The following SNAP91 variants were observed in gnomAD, a reference collection of about 807,000 sequenced individuals.
The protein encoded by SNAP91 is synaptosome associated protein 91.
Under a neutral mutation model 100.3 loss-of-function variants are expected in SNAP91, and 27 were observed. The observed-to-expected ratio is 0.27, with a 90% CI of 0.20 to 0.37. The LOEUF is 0.37. Among genes scored for constraint, SNAP91 ranks in the 10% least tolerant of loss-of-function variants. The probability of loss-of-function intolerance (pLI) is 1.00; values close to 1 mark genes in which losing one functional copy is unlikely to be tolerated. For missense variants in SNAP91, 986 were observed against 1,123.7 expected (o/e 0.88, Z 1.75); for synonymous variants, 404 against 398.6 (o/e 1.01, Z -0.16).
chr6:83,669,175 C>T (rs2098739224), intron 2 of SNAP91, among the ~76,000 whole-genome samples: 1 of 151,960 alleles, frequency 6.6e-6, no homozygotes, highest in Non-Finnish European at 1.5e-5. Flanking sequence ...CATCTGTATA[C>T]CTAGAAAGAG....
At chr6:83,644,343 T>C (rs1467150309) in intron 7 of SNAP91, among the ~76,000 whole-genome samples, 2 of 152,140 alleles carry the variant, frequency 1.3e-5, no homozygotes, top group Admixed American at 1.3e-4. Flanking sequence ...AATAGTAGCA[T>C]TGACACAGAA....
chr6:83,690,815 T>C (rs2099121419), intron 2 of SNAP91, among the ~76,000 whole-genome samples: 1 of 152,138 alleles, frequency 6.6e-6, no homozygotes, highest in African/African-American at 2.4e-5. Context: ...AAGAAAGGCA[T>C]ATTTTTAAGG....
intron 26 of SNAP91, among the ~76,000 whole-genome samples, chr6:83,569,500 G>C (rs78605744): frequency 0.027 from 4,125 of 152,256 alleles, 69 homozygotes; most frequent in East Asian, 0.064. Flanking sequence ...GTTAAGTCTT[G>C]ATCTCAGGGT....
In SNAP91 at chr6:83,593,546, G is replaced by T. The variant is rs1307900317; in HGVS notation, c.1628C>A (p.Ala543Asp). 6.4e-7 allele frequency: 1 copy of T among 1,552,248 alleles called. No individual in the cohort carries two copies. Among genetic ancestry groups the T allele is most frequent in the East Asian group, 2.4e-5 (1 of 41,048 alleles). ...AAATTAATAA[A>D]TTTTTTSAAT... is the part of the protein sequence containing the mutation. ...AGCGGAGGTGGTGGTAGTGGTGGTG[G>T]CAGCGGCGGTGGCAGCAGTAGTGGC... is the stretch of plus-strand genomic sequence containing the variant. Residue 543 changes from alanine (A) to aspartate (D), a missense_variant, in exon 18 of 30, where the codon GCC (alanine) becomes GAC (aspartate). Ala to Asp is a moderately radical substitution (Grantham distance 126). Coordinates refer to ENST00000369694, the MANE Select transcript of SNAP91 (RefSeq NM_001242792.2).
In SNAP91 at chr6:83,591,230, T is replaced by A. The variant is rs762162588; in HGVS notation, c.1995A>T (p.Ala665=). 6.2e-7 allele frequency: 1 copy of A among 1,611,208 alleles called. No homozygotes were observed. The highest frequency in any genetic ancestry group is 8.5e-7 in the Non-Finnish European group (1 of 1,177,620). The change falls in exon 22 of 30, where the codon GCA becomes GCT. Residue 665 remains alanine, a synonymous_variant. Transcript: ENST00000369694. ...AATTACCAGCTAGTAGGTCTGCCGA[T>A]GCTGATGAACTAGAAGCAGCCTGAG... is the stretch of plus-strand genomic sequence containing the variant. The part of the protein sequence containing the change: ...PASQAASSSS[A]SADLLAGFGG...
At chr6:83,616,830 G>A in intron 10 of SNAP91, 139 bp downstream of exon 10, 1 of 557,528 alleles carries the variant, frequency 1.8e-6, no homozygotes, top group Admixed American at 3.3e-5. Flanking sequence ...AAGAGTAGGG[G>A]TTCTGAGGGA....
intron 2 of SNAP91, among the ~76,000 whole-genome samples, chr6:83,675,645 G>A (rs2098854499): frequency 1.3e-5 from 2 of 152,040 alleles, no homozygotes; most frequent in South Asian, 2.1e-4. Context: ...GGAGCCAGAG[G>A]AGACCTAGTT....
At chr6:83,708,179 A>C (rs1024276613) in intron 1 of SNAP91, 1 of 461,516 alleles carries the variant, frequency 2.2e-6, no homozygotes, top group African/African-American at 2.1e-5. Context: ...CGTGGGCTCC[A>C]GTCGCAGCAT....
chr6:83,612,024 G>C (rs532512535), intron 11 of SNAP91, among the ~76,000 whole-genome samples: 3 of 151,574 alleles, frequency 2.0e-5, no homozygotes, highest in African/African-American at 7.3e-5. Flanking sequence ...CCAGGCCCAA[G>C]TTAATATCTT....
At chr6:83,654,169 C>T (rs1450879083) in intron 7 of SNAP91, among the ~76,000 whole-genome samples, 1 of 152,118 alleles carries the variant, frequency 6.6e-6, no homozygotes, top group Non-Finnish European at 1.5e-5. Context: ...GAGCATCCAA[C>T]AATTCATTAA....
At chr6:83,574,875 G>C in intron 26 of SNAP91, 135 bp downstream of exon 26, 1 of 576,674 alleles carries the variant, frequency 1.7e-6, no homozygotes, top group Non-Finnish European at 3.0e-6. Context: ...GGGCTGGAGT[G>C]CTACTTGCTT....
At chr6:83,601,487 G>A (rs1190433655) in intron 15 of SNAP91, 49 bp from the exon 16 acceptor site, 1 of 1,612,230 alleles carries the variant, frequency 6.2e-7, no homozygotes, top group Non-Finnish European at 8.5e-7. Context: ...AAAAGCAAAG[G>A]ACAAAAGATA....
chr6:83,698,120 G>A (rs554488563), intron 2 of SNAP91, among the ~76,000 whole-genome samples: 13 of 152,150 alleles, frequency 8.5e-5, no homozygotes, highest in South Asian at 8.3e-4. Flanking sequence ...ATAGTGAATC[G>A]AATGTTTCAA....
At chr6:83,605,050 T>C (rs1222453101) in intron 14 of SNAP91, among the ~76,000 whole-genome samples, 1 of 152,162 alleles carries the variant, frequency 6.6e-6, no homozygotes, top group Non-Finnish European at 1.5e-5. Flanking sequence ...AATTTTTATA[T>C]TAATATTAAA....
intron 2 of SNAP91, among the ~76,000 whole-genome samples, chr6:83,676,836 G>A (rs532334423): frequency 1.3e-5 from 2 of 152,294 alleles, no homozygotes; most frequent in African/African-American, 4.8e-5. Context: ...TAGTTCAGGT[G>A]AGTGGTGTTA....
intron 2 of SNAP91, among the ~76,000 whole-genome samples, chr6:83,685,542 C>A (rs576324913): frequency 6.6e-6 from 1 of 152,242 alleles, no homozygotes; most frequent in African/African-American, 2.4e-5. Context: ...TTCTATGGGG[C>A]AAAACTAGGG....
chr6:83,570,273 T>C (rs1804534945), intron 26 of SNAP91, among the ~76,000 whole-genome samples: 1 of 152,130 alleles, frequency 6.6e-6, no homozygotes, highest in Admixed American at 6.5e-5. Flanking sequence ...TGGAATAAAT[T>C]TCTAAGCTGC....
chr6:83,572,613 C>T (rs1397442031), intron 26 of SNAP91, among the ~76,000 whole-genome samples: 13 of 152,088 alleles, frequency 8.5e-5, no homozygotes, highest in African/African-American at 3.1e-4. Flanking sequence ...TTCTCACCAC[C>T]TTGCCTTCCA....
Position 83,641,128 on chromosome 6 carries a change from T to A in SNAP91, c.733A>T (p.Thr245Ser). 3 of 1,546,606 alleles carry A rather than the reference T, an allele frequency of 1.9e-6. No homozygotes were observed. Among genetic ancestry groups the A allele is most frequent in the Admixed American group, 2.1e-5 (1 of 47,082 alleles). ...EIYKRFLTRM[T>S]RVSEFLKVAE... ...ACCTTGAGAAATTCAGACACTCGTG[T>A]CATTCTAGTTAGAAATCGTTTGTAA... Residue 245 changes from threonine to serine, a missense_variant, in exon 8 of 30, where the codon ACA becomes TCA. Coordinates refer to ENST00000369694, the MANE Select transcript of SNAP91 (RefSeq NM_001242792.2).
Sources: gnomAD v4.1 joint callset for allele counts (sites outside exome capture counted in the v4.1 genomes callset) on GRCh38, gnomAD v4.1.1 for gene constraint, MANE v1.5 for transcripts, NCBI Gene and HGNC (gene_info 2026-07-23, HGNC 2026-07-21) for gene names.